The following TAFA5 variants were observed in gnomAD, a reference collection of about 807,000 sequenced individuals.
The protein encoded by TAFA5 is chemokine-like protein TAFA-5.
A neutral mutation model predicts 15.3 loss-of-function variants in TAFA5; 6 were observed. The observed-to-expected ratio is 0.39, with a 90% CI of 0.21 to 0.77. The LOEUF (loss-of-function observed/expected upper bound fraction) is 0.77. TAFA5 is among the 30% of genes least tolerant of loss of function. The pLI is 0.41. For synonymous variants in TAFA5, 103 were observed against 80.7 expected (o/e 1.28, Z -1.48); for missense variants, 161 against 193.1 (o/e 0.83, Z 0.98).
At chr22:48,509,596 T>A (rs904569235) in intron 1 of TAFA5, among the ~76,000 whole-genome samples, 1 of 152,154 alleles carries the variant, frequency 6.6e-6, no homozygotes, top group African/African-American at 2.4e-5. Context: ...TAACATCCAT[T>A]TGGGGAAAGG....
At chr22:48,688,564 C>T (rs536247416) in intron 2 of TAFA5, among the ~76,000 whole-genome samples, 5 of 152,322 alleles carry the variant, frequency 3.3e-5, no homozygotes, top group Non-Finnish European at 7.3e-5. Flanking sequence ...CTCTTAACTC[C>T]CCCTGGCTGC....
intron 1 of TAFA5, among the ~76,000 whole-genome samples, chr22:48,609,381 G>A (rs1344645966): frequency 2.0e-5 from 3 of 152,094 alleles, no homozygotes; most frequent in Admixed American, 1.3e-4. Context: ...ATCACTGTCC[G>A]TGCATTGTCT....
At chr22:48,708,197 A>G (rs536102045) in intron 3 of TAFA5, among the ~76,000 whole-genome samples, 1 of 152,136 alleles carries the variant, frequency 6.6e-6, no homozygotes, top group South Asian at 2.1e-4. Flanking sequence ...TGGAGGAGGC[A>G]TCCGCCCCTC....
chr22:48,573,202 C>T (rs1449527244), intron 1 of TAFA5, among the ~76,000 whole-genome samples: 1 of 152,188 alleles, frequency 6.6e-6, no homozygotes, highest in African/African-American at 2.4e-5. Context: ...GACACCTGGC[C>T]ATGCCCCTGG....
At chr22:48,524,728 C>T (rs73888429) in intron 1 of TAFA5, among the ~76,000 whole-genome samples, 5,139 of 152,210 alleles carry the variant, frequency 0.034, 285 homozygotes, top group African/African-American at 0.12. Flanking sequence ...GACCCTGCAC[C>T]GAGCTTCCCC....
rs550128027 is a variant in TAFA5, at chr22:48,542,819, T to G, written c.112+53115T>G. Among the ~76,000 whole-genome samples the G allele has an allele frequency of 2.6e-3, 383 of 149,406 alleles. 1 individual carries two copies. The highest frequency in any genetic ancestry group is 9.3e-3 in the African/African-American group (375 of 40,512). ...TGTACAGTGTGTGATGTGTATGGTG[T>G]GTGTGTGTGGTGTGTATGTGTGTGT... On this transcript the variant is annotated intron_variant, in intron 1 of 3. Transcript: ENST00000402357.
chr22:48,575,209 A>G (rs1923722240), intron 1 of TAFA5, among the ~76,000 whole-genome samples: 1 of 152,092 alleles, frequency 6.6e-6, no homozygotes, highest in Non-Finnish European at 1.5e-5. Context: ...CTCCCGCGCC[A>G]GCAGGGCCGG....
intron 2 of TAFA5, among the ~76,000 whole-genome samples, chr22:48,703,982 G>A (rs1456824175): frequency 1.3e-5 from 2 of 152,226 alleles, no homozygotes; most frequent in Non-Finnish European, 2.9e-5. Flanking sequence ...GGCTGTTAGG[G>A]CAGAACAGGA....
At chr22:48,572,388 G>C (rs1035016975) in intron 1 of TAFA5, among the ~76,000 whole-genome samples, 10 of 152,202 alleles carry the variant, frequency 6.6e-5, no homozygotes, top group African/African-American at 2.4e-4. Context: ...CCTGGAAGTG[G>C]GCATGCAGCC....
At chr22:48,539,513 G>T (rs1259559879) in intron 1 of TAFA5, 1 of 468,898 alleles carries the variant, frequency 2.1e-6, no homozygotes, top group Non-Finnish European at 4.4e-6. Flanking sequence ...ATTTAGACGG[G>T]TGCAGTTTGT....
At chr22:48,713,052 G>T (rs564318624) in intron 3 of TAFA5, among the ~76,000 whole-genome samples, 13 of 152,344 alleles carry the variant, frequency 8.5e-5, no homozygotes, top group African/African-American at 2.9e-4. Flanking sequence ...ACTTGTCAGT[G>T]AGCTGTGCCA....
At chr22:48,702,722 G>A (rs1928950418) in intron 2 of TAFA5, among the ~76,000 whole-genome samples, 3 of 152,236 alleles carry the variant, frequency 2.0e-5, no homozygotes. Flanking sequence ...GAGAGCTATT[G>A]CAACATTGCG....
intron 1 of TAFA5, among the ~76,000 whole-genome samples, chr22:48,579,466 G>T (rs1923949808): frequency 6.9e-6 from 1 of 144,830 alleles, no homozygotes; most frequent in South Asian, 2.1e-4. Flanking sequence ...TAGTTAAAGT[G>T]GGGGACGAGG....
rs563567270 is a variant in TAFA5 at position 48,622,113 on chromosome 22, G to A, written c.113-24484G>A. Reference sequence around the variant, plus strand: ...TTCTCCTGCACCCTGAGTGGGAGACGCTGAAATCACCCTAGAGCACAGGAG... The same window carrying A: ...TTCTCCTGCACCCTGAGTGGGAGACACTGAAATCACCCTAGAGCACAGGAG... On this transcript the variant is annotated intron_variant, in intron 1 of 3. Transcript: ENST00000402357. Among the ~76,000 whole-genome samples the A allele has an allele frequency of 2.1e-3, 313 of 152,250 alleles. 3 individuals carry two copies. The highest frequency in any genetic ancestry group is 0.014 in the Middle Eastern group (4 of 294).
intron 1 of TAFA5, chr22:48,576,327 G>C (rs1923797785): frequency 1.7e-6 from 2 of 1,188,738 alleles, no homozygotes; most frequent in Non-Finnish European, 1.0e-6. Flanking sequence ...TCGCCTCCCG[G>C]AGTGGCGCCT....
intron 2 of TAFA5, among the ~76,000 whole-genome samples, chr22:48,692,996 G>A (rs764198760): frequency 3.9e-5 from 6 of 152,178 alleles, no homozygotes; most frequent in African/African-American, 1.2e-4. Flanking sequence ...AGAACTCCGC[G>A]AGCCCGTGCT....
intron 1 of TAFA5, among the ~76,000 whole-genome samples, chr22:48,620,693 T>C (rs1482390512): frequency 3.6e-3 from 4 of 1,122 alleles, no homozygotes; most frequent in African/African-American, 3.1e-3. Context: ...TCCTATCTAC[T>C]CACCCCCATA....
chr22:48,674,029 C>T (rs1289621525), intron 2 of TAFA5, among the ~76,000 whole-genome samples: 3 of 146,238 alleles, frequency 2.1e-5, no homozygotes, highest in Non-Finnish European at 4.5e-5. Flanking sequence ...CTGGACTCCT[C>T]TTCGCCCGCC....
rs577351237 is a variant in TAFA5, at chr22:48,707,990, C to G, written c.390+146C>G. 20 of 1,081,966 alleles carry G rather than the reference C, an allele frequency of 1.8e-5. No individual in the cohort carries two copies. In the African/African-American group the frequency reaches 2.4e-4, roughly 13 times the overall value. 67.0% of individuals were successfully genotyped at this position (1,081,966 alleles called of 1,614,324 possible). On this transcript the variant is annotated intron_variant, in intron 3 of 3. Transcript: ENST00000402357. ...GAGGCCAGGGCCCTGTCTCCTCCCC[C>G]ACCTCCCTCTCTGGTGCTAAATTCC...
Sources: gnomAD v4.1 joint callset for allele counts (sites outside exome capture counted in the v4.1 genomes callset) on GRCh38, gnomAD v4.1.1 for gene constraint, MANE v1.5 for transcripts, NCBI Gene and HGNC (gene_info 2026-07-23, HGNC 2026-07-21) for gene names.